FTO: variants seen among roughly 807,000 people sequenced by gnomAD.
The protein encoded by FTO is FTO alpha-ketoglutarate dependent dioxygenase, also known as alpha-ketoglutarate-dependent dioxygenase FTO.
Under a neutral mutation model 63.9 loss-of-function variants are expected in FTO, and 47 were observed. The ratio of observed to expected loss-of-function variants is 0.74; its 90% CI spans 0.58 to 0.94. The LOEUF (loss-of-function observed/expected upper bound fraction) is 0.94. FTO is among the 40% of genes least tolerant of loss of function. FTO has a pLI of 0.00. For missense variants in FTO, 562 were observed against 618.1 expected, an observed-to-expected ratio of 0.91 and a Z score of 0.96; for synonymous variants, 207 against 224.4, an observed-to-expected ratio of 0.92 and a Z score of 0.69.
At chr16:54,057,254 C>A (rs532241806) in intron 8 of FTO, among the ~76,000 whole-genome samples, 1 of 152,196 alleles carries the variant, frequency 6.6e-6, no homozygotes, top group Non-Finnish European at 1.5e-5. Flanking sequence ...AGCACTGCTC[C>A]GTGCTACATT....
At chr16:53,875,605 T>G (rs886911479) in intron 5 of FTO, among the ~76,000 whole-genome samples, 1 of 152,224 alleles carries the variant, frequency 6.6e-6, no homozygotes, top group Non-Finnish European at 1.5e-5. Context: ...TATTCTGTCT[T>G]CATTTGTACA....
chr16:54,092,111 T>C (rs1417318705), intron 8 of FTO, among the ~76,000 whole-genome samples: 2 of 152,180 alleles, frequency 1.3e-5, no homozygotes, highest in African/African-American at 4.8e-5. Flanking sequence ...ACACTGTCTC[T>C]ACAAAAAGTA....
chr16:53,894,715 C>T (rs904932608), intron 7 of FTO, among the ~76,000 whole-genome samples: 1 of 151,928 alleles, frequency 6.6e-6, no homozygotes, highest in Non-Finnish European at 1.5e-5. Flanking sequence ...CAACATAATC[C>T]AGTCTCCCAT....
chr16:54,061,995 G>A (rs1401063759), intron 8 of FTO, among the ~76,000 whole-genome samples: 1 of 152,140 alleles, frequency 6.6e-6, no homozygotes, highest in African/African-American at 2.4e-5. Context: ...CTTTATTTTG[G>A]TGTGCTGTTG....
intron 2 of FTO, among the ~76,000 whole-genome samples, chr16:53,822,929 G>GATACA (rs1215237657): frequency 3.9e-5 from 6 of 152,186 alleles, no homozygotes; most frequent in African/African-American, 1.4e-4. Flanking sequence ...TCATTCTCAT[G>GATACA]AGTGTACTGA....
intron 8 of FTO, among the ~76,000 whole-genome samples, chr16:54,056,179 G>C (rs1355208810): frequency 6.6e-6 from 1 of 152,174 alleles, no homozygotes; most frequent in Non-Finnish European, 1.5e-5. Flanking sequence ...AATATCTTAA[G>C]CTAAGGGTGC....
chr16:53,760,259 TG>T (rs1443848657), intron 1 of FTO, among the ~76,000 whole-genome samples: 3 of 77,308 alleles, frequency 3.9e-5, no homozygotes, highest in East Asian at 3.2e-4. Flanking sequence ...TGTGTGTGTG[TG>T]TTTTTTGGAG....
chr16:54,121,568 A>C lies in FTO; in HGVS notation c.*9653A>C, dbSNP rs2087005714. ...TTGTCTCAACAGACGGCAGATTCGC[A>C]GGGAAGCAGGCCGAGCCTGATCTTT... On this transcript the variant is annotated 3_prime_UTR_variant, in exon 9 of 9. Coordinates refer to ENST00000471389, the MANE Select transcript of FTO (RefSeq NM_001080432.3). The C allele has an allele frequency of 6.6e-6, 1 of 152,240 alleles. No homozygotes were observed. Among genetic ancestry groups the C allele is most frequent in the Non-Finnish European group, 1.5e-5 (1 of 68,052 alleles). The allele number at this position is 152,240 out of a possible 1,614,324, so 9.4% of individuals were successfully genotyped here.
chr16:53,882,401 A>T (rs1309751369), intron 6 of FTO, among the ~76,000 whole-genome samples: 2 of 151,746 alleles, frequency 1.3e-5, no homozygotes, highest in Non-Finnish European at 2.9e-5. Flanking sequence ...GAGCAAGATG[A>T]TAGAAATTGA....
intron 8 of FTO, among the ~76,000 whole-genome samples, chr16:54,019,625 C>T (rs1231493972): frequency 2.8e-5 from 3 of 105,832 alleles, no homozygotes; most frequent in Non-Finnish European, 5.2e-5. Flanking sequence ...AGGAACACCT[C>T]GGTTTCTAGA....
At chr16:54,017,678 T>C (rs1257318780) in intron 8 of FTO, among the ~76,000 whole-genome samples, 4 of 152,088 alleles carry the variant, frequency 2.6e-5, no homozygotes, top group Non-Finnish European at 5.9e-5. Context: ...CTTACCCAAA[T>C]CATGGAATAA....
intron 1 of FTO, among the ~76,000 whole-genome samples, chr16:53,737,800 A>G (rs1159055436): frequency 6.6e-6 from 1 of 152,196 alleles, no homozygotes; most frequent in East Asian, 1.9e-4. Context: ...CTACCCAATT[A>G]AAGATGACTA....
chr16:53,796,671 CAA>C (rs2078081639), intron 1 of FTO, among the ~76,000 whole-genome samples: 1 of 152,110 alleles, frequency 6.6e-6, no homozygotes, highest in Admixed American at 6.5e-5. Flanking sequence ...CTGAATAAAA[CAA>C]TGAACGAAAT....
chr16:53,796,042 T>C (rs895904202), intron 1 of FTO, among the ~76,000 whole-genome samples: 6 of 120,012 alleles, frequency 5.0e-5, no homozygotes, highest in African/African-American at 1.7e-4. Context: ...TTTTTCTTTC[T>C]TTCTTTCTTT....
At chr16:53,886,675 G>A (rs746896124) in intron 6 of FTO, among the ~76,000 whole-genome samples, 1 of 152,054 alleles carries the variant, frequency 6.6e-6, no homozygotes, top group African/African-American at 2.4e-5. Context: ...GTCCTACATA[G>A]CAAACAAACA....
At chr16:53,809,544 G>A (rs1412261799) in intron 1 of FTO, among the ~76,000 whole-genome samples, 1 of 152,076 alleles carries the variant, frequency 6.6e-6, no homozygotes, top group African/African-American at 2.4e-5. Context: ...AAAAAGACCC[G>A]GTTGTCAACA....
At chr16:54,104,030 G>A (rs2086694237) in intron 8 of FTO, among the ~76,000 whole-genome samples, 2 of 152,166 alleles carry the variant, frequency 1.3e-5, no homozygotes, top group South Asian at 4.1e-4. Flanking sequence ...CAGGGATTTA[G>A]ATACCATGTT....
intron 1 of FTO, among the ~76,000 whole-genome samples, chr16:53,720,643 AAT>A (rs58637323): frequency 2.0e-5 from 3 of 146,834 alleles, no homozygotes; most frequent in Non-Finnish European, 3.0e-5. Flanking sequence ...ATATATATAA[AAT>A]ATATATATAT....
intron 7 of FTO, among the ~76,000 whole-genome samples, chr16:53,931,595 A>G (rs550995342): frequency 6.6e-6 from 1 of 152,220 alleles, no homozygotes; most frequent in South Asian, 2.1e-4. Flanking sequence ...GGTGTGAGCC[A>G]CTGCACCTGG....
Sources: gnomAD v4.1 joint callset for allele counts (sites outside exome capture counted in the v4.1 genomes callset) on GRCh38, gnomAD v4.1.1 for gene constraint, MANE v1.5 for transcripts, NCBI Gene and HGNC (gene_info 2026-07-23, HGNC 2026-07-21) for gene names.